The following SPAG16 variants were observed in gnomAD, a reference collection of about 807,000 sequenced individuals.
The protein encoded by SPAG16 is sperm associated antigen 16, also known as sperm-associated antigen 16 protein.
In SPAG16, 86 loss-of-function variants were observed where a neutral mutation model predicts 80.4. The ratio of observed to expected loss-of-function variants is 1.07; its 90% confidence interval spans 0.90 to 1.28. The LOEUF (loss-of-function observed/expected upper bound fraction) is 1.28, where lower values mean the gene tolerates loss of function less well. Ranked by LOEUF, SPAG16 falls within the 50% of genes most tolerant of loss-of-function variation. The pLI is 0.00. For synonymous variants in SPAG16, 294 were observed against 265.9 expected (o/e 1.11, Z -1.03); for missense variants, 870 against 765.3 (o/e 1.14, Z -1.61).
intron 15 of SPAG16, among the ~76,000 whole-genome samples, chr2:214,195,407 TACTCTAACA>T (rs2057803010): frequency 6.6e-6 from 1 of 151,974 alleles, no homozygotes; most frequent in Non-Finnish European, 1.5e-5. Flanking sequence ...TTACAAAGAT[TACTCTAACA>T]ACTCTAGGAA....
chr2:213,801,103 G>C (rs1043908261), intron 10 of SPAG16, among the ~76,000 whole-genome samples: 4 of 152,122 alleles, frequency 2.6e-5, no homozygotes, highest in Non-Finnish European at 5.9e-5. Context: ...TGCAACATTT[G>C]TAAGTGTTCA....
chr2:213,304,933 G>T (rs893237310), intron 3 of SPAG16, among the ~76,000 whole-genome samples: 1 of 152,018 alleles, frequency 6.6e-6, no homozygotes, highest in African/African-American at 2.4e-5. Context: ...TATTTTGTTG[G>T]GGATTCCACT....
chr2:213,707,751 G>A (rs1192965426), intron 10 of SPAG16, among the ~76,000 whole-genome samples: 1 of 149,340 alleles, frequency 6.7e-6, no homozygotes, highest in Non-Finnish European at 1.5e-5. Flanking sequence ...ATTTTCTAAG[G>A]TGATGGAAAA....
At chr2:214,281,131 T>G in intron 15 of SPAG16, 1 of 381,884 alleles carries the variant, frequency 2.6e-6, no homozygotes, top group Non-Finnish European at 5.1e-6. Context: ...ACCAAACCTA[T>G]TGAGAAGCCT....
chr2:214,163,160 A>C (rs2056515209), intron 15 of SPAG16, among the ~76,000 whole-genome samples: 1 of 152,126 alleles, frequency 6.6e-6, no homozygotes, highest in Non-Finnish European at 1.5e-5. Flanking sequence ...GTTTCCAGAT[A>C]CATATATATG....
intron 10 of SPAG16, among the ~76,000 whole-genome samples, chr2:213,760,790 C>T (rs944701928): frequency 2.0e-5 from 3 of 152,102 alleles, no homozygotes; most frequent in Admixed American, 6.5e-5. Context: ...TTTTTCCTCA[C>T]AGTTTTGGAG....
At chr2:213,630,155 G>T (rs886085137) in intron 10 of SPAG16, among the ~76,000 whole-genome samples, 13 of 152,132 alleles carry the variant, frequency 8.5e-5, no homozygotes, top group Non-Finnish European at 1.6e-4. Flanking sequence ...AGGCTGAGGT[G>T]GGTGGATCAC....
chr2:213,945,072 T>C (rs1050934452), intron 12 of SPAG16, among the ~76,000 whole-genome samples: 21 of 151,904 alleles, frequency 1.4e-4, no homozygotes, highest in Admixed American at 2.0e-4. Flanking sequence ...TTTGCTTCTT[T>C]CTTCTTTGTT....
chr2:214,294,923 T>G (rs2125937877), intron 15 of SPAG16, among the ~76,000 whole-genome samples: 1 of 152,358 alleles, frequency 6.6e-6, no homozygotes. Flanking sequence ...TAATACACAC[T>G]TGATTTTTAT....
chr2:213,694,444 A>G (rs2065075866), intron 10 of SPAG16, among the ~76,000 whole-genome samples: 1 of 152,224 alleles, frequency 6.6e-6, no homozygotes, highest in Admixed American at 6.5e-5. Flanking sequence ...TATTTAATGA[A>G]TAAATATTTT....
chr2:213,702,314 C>A (rs954468054), intron 10 of SPAG16, among the ~76,000 whole-genome samples: 1 of 152,226 alleles, frequency 6.6e-6, no homozygotes, highest in African/African-American at 2.4e-5. Context: ...CTGCGGCAAC[C>A]CGCTTGGGTC....
At chr2:213,476,876 C>A (rs538376306) in intron 9 of SPAG16, among the ~76,000 whole-genome samples, 2 of 152,274 alleles carry the variant, frequency 1.3e-5, no homozygotes, top group African/African-American at 4.8e-5. Context: ...TTTCTACATT[C>A]TTGTCCTGTG....
Position 214,078,996 on chromosome 2 carries a change from G to A in SPAG16, c.1528-29200G>A, listed in dbSNP as rs563414830. Among the ~76,000 whole-genome samples, 17 of 152,124 alleles carry A rather than the reference G, an allele frequency of 1.1e-4. No individual in the cohort carries two copies. The South Asian group carries it at 2.9e-3, about 26-fold the overall frequency. On this transcript the variant is annotated intron_variant, in intron 13 of 15. Transcript: ENST00000331683. The stretch of plus-strand genomic sequence containing the variant: ...ACAACCAACGAGAAGCTGGGTTAGC[G>A]CTTGGTAACAGTCTTGGTGTGATCT...
chr2:214,163,935 G>A (rs1374494861), intron 15 of SPAG16, among the ~76,000 whole-genome samples: 1 of 151,886 alleles, frequency 6.6e-6, no homozygotes, highest in Non-Finnish European at 1.5e-5. Flanking sequence ...GTGAGTTCAA[G>A]TACTAATCAC....
At chr2:213,782,378 A>G (rs1455561268) in intron 10 of SPAG16, among the ~76,000 whole-genome samples, 1 of 152,160 alleles carries the variant, frequency 6.6e-6, no homozygotes, top group East Asian at 1.9e-4. Context: ...ATAGTGAGGT[A>G]TGGTACCTAA....
At chr2:213,703,350 C>G (rs2065585195) in intron 10 of SPAG16, among the ~76,000 whole-genome samples, 1 of 152,178 alleles carries the variant, frequency 6.6e-6, no homozygotes, top group South Asian at 2.1e-4. Flanking sequence ...CATGTTCTCA[C>G]CTAAATGTGG....
At chr2:213,979,548 G>T (rs770899094) in intron 12 of SPAG16, among the ~76,000 whole-genome samples, 1 of 152,122 alleles carries the variant, frequency 6.6e-6, no homozygotes, top group Non-Finnish European at 1.5e-5. Context: ...GATGGAGTGA[G>T]TGCAAGCATG....
intron 10 of SPAG16, among the ~76,000 whole-genome samples, chr2:213,747,462 A>G (rs1338928719): frequency 1.3e-5 from 2 of 152,166 alleles, no homozygotes; most frequent in South Asian, 2.1e-4. Flanking sequence ...CCACTCACTC[A>G]CTTTCTTACC....
chr2:214,219,403 A>AT (rs1332932194), intron 15 of SPAG16, among the ~76,000 whole-genome samples: 2 of 151,914 alleles, frequency 1.3e-5, no homozygotes, highest in African/African-American at 2.4e-5. Context: ...ATCAAATAGA[A>AT]TAGAAACAAC....
Sources: gnomAD v4.1 joint callset for allele counts (sites outside exome capture counted in the v4.1 genomes callset) on GRCh38, gnomAD v4.1.1 for gene constraint, MANE v1.5 for transcripts, NCBI Gene and HGNC (gene_info 2026-07-23, HGNC 2026-07-21) for gene names.